SH2B2: variants seen among roughly 807,000 people sequenced by gnomAD.
SH2B2 encodes the protein SH2B adapter protein 2.
Under a neutral mutation model 35.7 loss-of-function variants are expected in SH2B2, and 37 were observed. That is an observed-to-expected ratio of 1.04 (90% confidence interval 0.80 to 1.36). The LOEUF (loss-of-function observed/expected upper bound fraction) is 1.36, where lower values mean the gene tolerates loss of function less well. SH2B2 is among the 40% of genes most tolerant of loss of function. SH2B2 has a pLI of 0.00. For synonymous variants in SH2B2, 383 were observed against 376.4 expected (o/e 1.02, Z -0.20); for missense variants, 852 against 817.7 (o/e 1.04, Z -0.51).
rs1554553427 is a variant in SH2B2 at position 102,300,644 on chromosome 7, C to T, written c.94C>T (p.Gln32Ter). The T allele has an allele frequency of 6.5e-7, 1 of 1,549,820 alleles. No individual in the cohort carries two copies. The highest frequency in any genetic ancestry group is 1.4e-5 in the African/African-American group (1 of 73,100). Residue 32 changes from glutamine (Q) to a stop codon, truncating the protein, a stop_gained, in exon 2 of 9, where the codon CAG becomes TAG. Transcript: ENST00000444095. LOFTEE classifies it high-confidence loss of function. ...DWRQFCELHAQAAAVDFAHKF... is the reference protein window; with the variant it reads ...DWRQFCELHA The stretch of plus-strand genomic sequence containing the variant: ...GCGGCAGTTCTGCGAGCTGCATGCG[C>T]AGGCGGCCGCCGTGGACTTTGCGCA...
chr7:102,320,332 A>G lies in SH2B2; in HGVS notation c.1397A>G (p.His466Arg). 1 of 1,609,942 alleles carries G rather than the reference A, an allele frequency of 6.2e-7. No individual in the cohort carries two copies. The highest frequency in any genetic ancestry group is 8.5e-7 in the Non-Finnish European group (1 of 1,179,682). Residue 466 changes from histidine to arginine, a missense_variant and splice_region_variant, in exon 8 of 9, where the codon CAC becomes CGC. Around this residue, in one of 3 missense-constraint regions of SH2B2, gnomAD observed 556 missense variants for 514.5 expected, o/e 1.08. Coordinates refer to ENST00000444095, the MANE Select transcript of SH2B2 (RefSeq NM_001359228.2). ...GACCACACCCACCTGTACCCACAGC[A>G]CCTGCGCCTGTCCCTGAACGGCCAC... ...LTFNFQGKAK[H>R]LRLSLNGHGQ...
At position 102,320,376 on chromosome 7, in the gene SH2B2, C is replaced by T. The variant is rs371725663; in HGVS notation, c.1441C>T (p.His481Tyr). 7.4e-6 allele frequency: 12 copies of T among 1,613,304 alleles called. No individual in the cohort carries two copies. Among genetic ancestry groups the T allele is most frequent in the Non-Finnish European group, 1.0e-5 (12 of 1,179,890 alleles). The change falls in exon 8 of 9, where the codon CAT (histidine) becomes TAT (tyrosine). Residue 481 changes from histidine to tyrosine, a missense_variant. Physicochemically the swap from His to Tyr is moderately conservative, Grantham distance 83. Around this residue, in one of 3 missense-constraint regions of SH2B2, gnomAD observed 556 missense variants for 514.5 expected, o/e 1.08. Transcript: ENST00000444095. ...CGGCCACGGCCAGTGTCACGTACAG[C>T]ATCTGTGGTTCCAGTCTGTGCTTGA... ...LNGHGQCHVQ[H>Y]LWFQSVLDML...
chr7:102,299,302 G>A (rs1219687176), intron 1 of SH2B2, among the ~76,000 whole-genome samples: 1 of 148,652 alleles, frequency 6.7e-6, no homozygotes, highest in East Asian at 2.0e-4. Context: ...GGGTTCAAGC[G>A]ATTCTCCTGC....
At chr7:102,298,651 C>T (rs945634759) in intron 1 of SH2B2, among the ~76,000 whole-genome samples, 4 of 152,172 alleles carry the variant, frequency 2.6e-5, no homozygotes, top group Admixed American at 6.5e-5. Context: ...CCCATCACAA[C>T]TCACTGTAGC....
At position 102,301,009 on chromosome 7, in the gene SH2B2, C is replaced by CCGGCG; in HGVS notation, c.462_466dup (p.Ala156GlyfsTer26). 7.0e-7 allele frequency: 1 copy of CCGGCG among 1,418,648 alleles called. No individual in the cohort carries two copies. Among genetic ancestry groups the CCGGCG allele is most frequent in the South Asian group, 1.4e-5 (1 of 71,198 alleles). 87.9% of individuals were successfully genotyped at this position (1,418,648 alleles called of 1,614,324 possible). A position where few individuals can be genotyped will look rare whatever the true frequency, so the allele number is the denominator to read the frequency against. Reference sequence around the variant, plus strand: ...TGGACGGCGTGCGCGACATGTGGCACCGGCGCGCCTCGCCCGAGCCCGACG... The same window carrying CCGGCG: ...TGGACGGCGTGCGCGACATGTGGCACCGGCGCGGCGCGCCTCGCCCGAGCCCGACG... On this transcript the variant is annotated frameshift_variant, in exon 2 of 9. Transcript: ENST00000444095. LOFTEE classifies it high-confidence loss of function.
In SH2B2 at chr7:102,321,614, A is replaced by G. The variant is rs1240757328; in HGVS notation, c.1883A>G (p.Gln628Arg). 15 of 1,154,506 alleles carry G rather than the reference A, an allele frequency of 1.3e-5. No individual in the cohort carries two copies. The highest frequency in any genetic ancestry group is 1.6e-5 in the Non-Finnish European group (15 of 938,500). 71.5% of individuals were successfully genotyped at this position (1,154,506 alleles called of 1,614,324 possible). The change falls in exon 9 of 9, where the codon CAG becomes CGG. Residue 628 changes from glutamine (Q) to arginine (R), a missense_variant. Transcript: ENST00000444095. The part of the protein sequence containing the change: ...APGRARAVEN[Q>R]YSFY ...GGCCGCGCGCGCGCCGTGGAGAACC[A>G]GTACTCCTTCTACTAGCCCGCGGCG...
chr7:102,306,801 G>T lies in SH2B2; in HGVS notation c.810G>T (p.Lys270Asn). The part of the protein sequence containing the change: ...RTTMPLEMPE[K>N]DNTFVLKVEN... ...CCATGCCCCTGGAAATGCCAGAGAA[G>T]GATAACACATTCGTCCTCAAGGTGA... Residue 270 changes from lysine to asparagine, a missense_variant, in exon 3 of 9, where the codon AAG (lysine) becomes AAT (asparagine). Lys to Asn is a moderately conservative substitution (Grantham distance 94). This residue lies in a region of SH2B2 where 556 missense variants were observed against 514.5 expected (regional missense o/e 1.08). Coordinates refer to ENST00000444095, the MANE Select transcript of SH2B2 (RefSeq NM_001359228.2). 1 of 1,591,490 alleles carries T rather than the reference G, an allele frequency of 6.3e-7. No homozygotes were observed. Among genetic ancestry groups the T allele is most frequent in the Non-Finnish European group, 8.6e-7 (1 of 1,169,238 alleles).
At position 102,297,208 on chromosome 7, in the gene SH2B2, G is replaced by T. The variant is rs952345556; in HGVS notation, c.-29-3314G>T. On this transcript the variant is annotated intron_variant, in intron 1 of 8. Coordinates refer to ENST00000444095, the MANE Select transcript of SH2B2 (RefSeq NM_001359228.2). This position sits in a 1 kb window ranked among gnomAD's most constrained non-coding sequence, Gnocchi z 4.3. ...AATTATCCCTTTGTCTGGCATATCC[G>T]CACTCTGGATACGACCCGCTCGCCA... 6.6e-6 allele frequency among the ~76,000 whole-genome samples: 1 copy of T among 151,984 alleles called. No homozygotes were observed. The highest frequency in any genetic ancestry group is 1.5e-5 in the Non-Finnish European group (1 of 68,030).
rs1793470977 is a variant in SH2B2, at chr7:102,308,061, G to A, written c.832-754G>A. ...GCTGGGATTACAGGCGTGAGCCACC[G>A]CGCCCGGCCCAGCAACTGCATTTTG... is the stretch of plus-strand genomic sequence containing the variant. On this transcript the variant is annotated intron_variant, in intron 3 of 8. Coordinates refer to ENST00000444095, the MANE Select transcript of SH2B2 (RefSeq NM_001359228.2). 3.3e-5 allele frequency among the ~76,000 whole-genome samples: 5 copies of A among 152,134 alleles called. No homozygotes were observed. In the South Asian group the frequency reaches 8.3e-4, roughly 25 times the overall value.
At chr7:102,305,732 G>A (rs1793365282) in intron 2 of SH2B2, among the ~76,000 whole-genome samples, 1 of 152,116 alleles carries the variant, frequency 6.6e-6, no homozygotes, top group Non-Finnish European at 1.5e-5. Context: ...ATGGGTCAAG[G>A]TCAAAAATAA....
chr7:102,321,312 G>C lies in SH2B2; in HGVS notation c.1581G>C (p.Thr527=). ...GCCTTGTTGCAGAGCCGGGCCCCAC[G>C]CCCCCTGCCGCGCCCGCGTCCCCGG... ...AQDPPPEPGP[T]PPAAPASPAC... is the part of the protein sequence containing the mutation. The change falls in exon 9 of 9, where the codon ACG becomes ACC. Residue 527 remains threonine (T), a synonymous_variant. Transcript: ENST00000444095. 1 of 1,415,340 alleles carries C rather than the reference G, an allele frequency of 7.1e-7. No homozygotes were observed. Among genetic ancestry groups the C allele is most frequent in the African/African-American group, 1.5e-5 (1 of 66,530 alleles). 87.7% of individuals were successfully genotyped at this position (1,415,340 alleles called of 1,614,324 possible).
At chr7:102,286,110 G>C (rs1586556273), upstream of SH2B2, among the ~76,000 whole-genome samples, 3 of 152,376 alleles carry the variant, frequency 2.0e-5, no homozygotes, top group African/African-American at 7.2e-5. Flanking sequence ...GGGTGAGGAA[G>C]GTGCCAGGGT....
chr7:102,300,398 A>T (rs898715500), intron 1 of SH2B2, 124 bp from the exon 2 acceptor site: 65 of 1,192,126 alleles, frequency 5.5e-5, no homozygotes, highest in Non-Finnish European at 2.1e-5. Context: ...CCCACAACAC[A>T]CACGTGTGCA....
intron 4 of SH2B2, among the ~76,000 whole-genome samples, chr7:102,312,212 A>C (rs1377292877): frequency 6.6e-6 from 1 of 151,934 alleles, no homozygotes; most frequent in Non-Finnish European, 1.5e-5. Flanking sequence ...TCTCTACTAA[A>C]AATACAAAAA....
intron 7 of SH2B2, 128 bp downstream of exon 7, chr7:102,317,523 C>T (rs374879955): frequency 3.0e-5 from 25 of 842,022 alleles, no homozygotes; most frequent in East Asian, 1.7e-4. Context: ...TGACTTCCCA[C>T]GGGCCCCACT....
chr7:102,316,055 G>A (rs1793817794), intron 6 of SH2B2, among the ~76,000 whole-genome samples: 2 of 151,952 alleles, frequency 1.3e-5, no homozygotes, highest in African/African-American at 4.8e-5. Context: ...CAAGGCAGGA[G>A]GATCGTTTGA....
chr7:102,289,727 G>A (rs1554551427), intron 1 of SH2B2, among the ~76,000 whole-genome samples: 1 of 151,964 alleles, frequency 6.6e-6, no homozygotes, highest in East Asian at 1.9e-4. Context: ...GCACTAAGGG[G>A]GTATCCTGCA....
Position 102,321,599 on chromosome 7 carries a change from G to C in SH2B2, c.1868G>C (p.Arg623Pro), listed in dbSNP as rs1223655796. 1.7e-6 allele frequency: 2 copies of C among 1,158,790 alleles called. No homozygotes were observed. Among genetic ancestry groups the C allele is most frequent in the Non-Finnish European group, 2.1e-6 (2 of 941,970 alleles). The allele number at this position is 1,158,790 out of a possible 1,614,324, so 71.8% of individuals were successfully genotyped here. The change falls in exon 9 of 9, where the codon CGC becomes CCC. Residue 623 changes from arginine to proline, a missense_variant. Arg to Pro is a moderately radical substitution (Grantham distance 103). This residue lies in a region of SH2B2 where 556 missense variants were observed against 514.5 expected (regional missense o/e 1.08). Transcript: ENST00000444095. ...CCGGAGGCCGCGCCCGGCCGCGCGC[G>C]CGCCGTGGAGAACCAGTACTCCTTC... ...EPPEAAPGRA[R>P]AVENQYSFY is the part of the protein sequence containing the mutation.
Position 102,317,140 on chromosome 7 carries a change from C to T in SH2B2, c.1187-47C>T, listed in dbSNP as rs782179366. 1.2e-5 allele frequency: 17 copies of T among 1,443,232 alleles called. No homozygotes were observed. In the South Asian group the frequency reaches 2.2e-4, roughly 18 times the overall value. 89.4% of individuals were successfully genotyped at this position (1,443,232 alleles called of 1,614,324 possible). A position where few individuals can be genotyped will look rare whatever the true frequency, so the allele number is the denominator to read the frequency against. On this transcript the variant is annotated intron_variant, in intron 6 of 8. Coordinates refer to ENST00000444095, the MANE Select transcript of SH2B2 (RefSeq NM_001359228.2). Reference sequence around the variant, plus strand: ...CTTCTCACATTTATTTATTTGTCCCCCTTTCTCCTTCCCCCCATGTTCCTC... The same window carrying T: ...CTTCTCACATTTATTTATTTGTCCCTCTTTCTCCTTCCCCCCATGTTCCTC...
Sources: allele counts gnomAD v4.1 joint callset (sites outside exome capture counted in the v4.1 genomes callset), GRCh38; gene constraint gnomAD v4.1.1; regional missense constraint gnomAD v4.1.1; non-coding constraint Gnocchi (gnomAD v3.1); transcripts MANE v1.5; gene names NCBI Gene and HGNC (gene_info 2026-07-23, HGNC 2026-07-21).